Variants in TMEM108 observed in about 807,000 individuals in gnomAD.
The protein encoded by TMEM108 is cancer/testis antigen 124.
In TMEM108, 12 loss-of-function variants were observed where a neutral mutation model predicts 35.1. The ratio of observed to expected loss-of-function variants is 0.34; its 90% CI spans 0.22 to 0.55. TMEM108 has a LOEUF of 0.55. Ranked by LOEUF, TMEM108 falls within the 20% of genes least tolerant of loss-of-function variation. The pLI is 0.89. For synonymous variants in TMEM108, 287 were observed against 308.6 expected (o/e 0.93, Z 0.73); for missense variants, 680 against 753.3 (o/e 0.90, Z 1.14).
chr3:133,214,869 A>G (rs1161381140), intron 2 of TMEM108, among the ~76,000 whole-genome samples: 1 of 152,060 alleles, frequency 6.6e-6, no homozygotes, highest in African/African-American at 2.4e-5. Flanking sequence ...TCTAGGTTGC[A>G]TGTTCCTTAT....
chr3:133,055,695 C>T (rs1236183146), intron 2 of TMEM108, among the ~76,000 whole-genome samples: 1 of 152,174 alleles, frequency 6.6e-6, no homozygotes, highest in African/African-American at 2.4e-5. Context: ...GAATCTTTGC[C>T]TTCACTTTTC....
At chr3:133,243,082 G>A (rs1207937459) in intron 3 of TMEM108, among the ~76,000 whole-genome samples, 1 of 152,204 alleles carries the variant, frequency 6.6e-6, no homozygotes, top group Non-Finnish European at 1.5e-5. Flanking sequence ...GGAAGCAGTG[G>A]AAGATGAATG....
At chr3:133,177,320 C>A (rs570704891) in intron 2 of TMEM108, among the ~76,000 whole-genome samples, 1 of 152,108 alleles carries the variant, frequency 6.6e-6, no homozygotes, top group East Asian at 1.9e-4. Flanking sequence ...TTTTATGAGG[C>A]CAGCATCATC....
chr3:133,201,875 C>T (rs949938404), intron 2 of TMEM108, among the ~76,000 whole-genome samples: 1 of 152,208 alleles, frequency 6.6e-6, no homozygotes, highest in Non-Finnish European at 1.5e-5. Flanking sequence ...GGGATCGCCA[C>T]ACTGTCTTCC....
intron 3 of TMEM108, among the ~76,000 whole-genome samples, chr3:133,365,780 G>A (rs751911574): frequency 1.3e-5 from 2 of 152,172 alleles, no homozygotes; most frequent in Non-Finnish European, 2.9e-5. Flanking sequence ...TGGAATGGGG[G>A]CCAGACCAAA....
At chr3:133,090,562 A>G (rs1521090) in intron 2 of TMEM108, among the ~76,000 whole-genome samples, 34,792 of 152,150 alleles carry the variant, frequency 0.23, 4,770 homozygotes, top group Non-Finnish European at 0.3. Flanking sequence ...TAATATATTC[A>G]TATATTGCCA....
At chr3:133,270,162 A>G (rs1946751203) in intron 3 of TMEM108, among the ~76,000 whole-genome samples, 1 of 152,176 alleles carries the variant, frequency 6.6e-6, no homozygotes, top group African/African-American at 2.4e-5. Flanking sequence ...CCCCCAATCA[A>G]AGTCCTCCTT....
chr3:133,322,822 A>T (rs1399022075), intron 3 of TMEM108, among the ~76,000 whole-genome samples: 1 of 152,214 alleles, frequency 6.6e-6, no homozygotes, highest in Non-Finnish European at 1.5e-5. Context: ...ATAAACCATG[A>T]TCAAGTGGGT....
intron 2 of TMEM108, among the ~76,000 whole-genome samples, chr3:133,091,185 T>C (rs1389797736): frequency 6.6e-6 from 1 of 152,236 alleles, no homozygotes; most frequent in Non-Finnish European, 1.5e-5. Context: ...TGGTATCTTA[T>C]TTTAATTTGT....
chr3:133,292,505 A>T (rs886127565), intron 3 of TMEM108, among the ~76,000 whole-genome samples: 2 of 152,146 alleles, frequency 1.3e-5, no homozygotes, highest in Admixed American at 1.3e-4. Context: ...GATTGTCATC[A>T]TAAGAGAAAT....
intron 3 of TMEM108, among the ~76,000 whole-genome samples, chr3:133,321,053 C>G (rs1406087753): frequency 6.6e-6 from 1 of 152,016 alleles, no homozygotes; most frequent in East Asian, 1.9e-4. Context: ...TTAAAATACA[C>G]CAAAATAGAA....
At chr3:133,228,784 A>C (rs909142227) in intron 2 of TMEM108, among the ~76,000 whole-genome samples, 2 of 152,164 alleles carry the variant, frequency 1.3e-5, no homozygotes, top group Non-Finnish European at 2.9e-5. Flanking sequence ...TTTCTAAATA[A>C]TCCATACCAG....
intron 2 of TMEM108, among the ~76,000 whole-genome samples, chr3:133,108,465 C>T (rs1448008508): frequency 6.6e-6 from 1 of 151,720 alleles, no homozygotes; most frequent in Admixed American, 6.6e-5. Flanking sequence ...TTGATGGGGT[C>T]GTTTGTTTTT....
At position 133,362,916 on chromosome 3, in the gene TMEM108, C is replaced by G. The variant is rs547725206; in HGVS notation, c.41-16836C>G. ...GCACACAGTTTAGATCCAATTTGTT[C>G]TTGGCTCTCTTTAGATTAAAAAGGT... On this transcript the variant is annotated intron_variant, in intron 3 of 5. Coordinates refer to ENST00000321871, the MANE Select transcript of TMEM108 (RefSeq NM_023943.4). 1.1e-4 allele frequency among the ~76,000 whole-genome samples: 16 copies of G among 152,280 alleles called. No homozygotes were observed. In the South Asian group the frequency reaches 3.3e-3, roughly 32 times the overall value.
At chr3:133,391,876 T>A (rs888604110) in intron 5 of TMEM108, among the ~76,000 whole-genome samples, 1 of 152,146 alleles carries the variant, frequency 6.6e-6, no homozygotes, top group Non-Finnish European at 1.5e-5. Context: ...GTGACCCTTT[T>A]TAGAGCTGTG....
intron 4 of TMEM108, chr3:133,387,744 C>T: frequency 1.2e-6 from 1 of 817,482 alleles, no homozygotes. Context: ...TGCATTTAAT[C>T]TTCCCAAGGA....
chr3:133,273,227 G>T (rs1435481742), intron 3 of TMEM108, among the ~76,000 whole-genome samples: 2 of 152,120 alleles, frequency 1.3e-5, no homozygotes, highest in Non-Finnish European at 2.9e-5. Flanking sequence ...AGACTTAAAG[G>T]TGGAGAAAAT....
chr3:133,309,561 G>T (rs1219924822), intron 3 of TMEM108, among the ~76,000 whole-genome samples: 1 of 151,356 alleles, frequency 6.6e-6, no homozygotes, highest in African/African-American at 2.4e-5. Context: ...GGTACGTCGT[G>T]TCTTTGTTCT....
chr3:133,318,528 A>G (rs2071225530), intron 3 of TMEM108, among the ~76,000 whole-genome samples: 1 of 152,202 alleles, frequency 6.6e-6, no homozygotes, highest in Admixed American at 6.5e-5. Flanking sequence ...CTCTGATTCC[A>G]GAATCTATGA....
Sources: gnomAD v4.1 joint callset for allele counts (sites outside exome capture counted in the v4.1 genomes callset) on GRCh38, gnomAD v4.1.1 for gene constraint, MANE v1.5 for transcripts, NCBI Gene and HGNC (gene_info 2026-07-23, HGNC 2026-07-21) for gene names.